The following RAI14 variants were observed in gnomAD, a reference collection of about 807,000 sequenced individuals.
RAI14 encodes retinoic acid induced 14.
RAI14 carries 45 observed loss-of-function variants against 115.4 expected under a neutral mutation model. That is an observed-to-expected ratio of 0.39 (90% confidence interval 0.31 to 0.50). The LOEUF is 0.50. Ranked by LOEUF, RAI14 falls within the 20% of genes least tolerant of loss-of-function variation. The pLI is 0.85. For missense variants in RAI14, 939 were observed against 1,131.2 expected, an observed-to-expected ratio of 0.83 and a Z score of 2.44; for synonymous variants, 371 against 415.4, an observed-to-expected ratio of 0.89 and a Z score of 1.30.
At chr5:34,814,699 C>CTGTATTGTATCA (rs762254551) in intron 12 of RAI14, 30 bp downstream of exon 12, 202 of 1,517,316 alleles carry the variant, frequency 1.3e-4, no homozygotes, top group African/African-American at 1.3e-3. Flanking sequence ...AGTTTTGTTA[C>CTGTATTGTATCA]TGTATTTTAA....
chr5:34,687,429 G>A (rs1192999131), intron 2 of RAI14: 9 of 603,120 alleles, frequency 1.5e-5, no homozygotes, highest in African/African-American at 5.7e-5. Context: ...ACTGCTGCCC[G>A]TACCTTTCCT....
intron 3 of RAI14, among the ~76,000 whole-genome samples, chr5:34,761,358 G>GGTTTT (rs961997194): frequency 2.4e-4 from 36 of 151,962 alleles, no homozygotes; most frequent in Middle Eastern, 3.4e-3. Context: ...AGCTAATTTT[G>GGTTTT]GTTTTGTTTT....
At chr5:34,753,150 G>A (rs1236096954) in intron 2 of RAI14, among the ~76,000 whole-genome samples, 2 of 152,094 alleles carry the variant, frequency 1.3e-5, no homozygotes, top group Non-Finnish European at 2.9e-5. Context: ...GTCCTATGGA[G>A]GGCATGCTAG....
intron 2 of RAI14, among the ~76,000 whole-genome samples, chr5:34,702,878 A>G (rs1201234967): frequency 1.3e-5 from 2 of 152,082 alleles, no homozygotes; most frequent in African/African-American, 2.4e-5. Context: ...GGCTAATTCT[A>G]TATTTTCAGT....
At chr5:34,769,076 A>G (rs1749808962) in intron 3 of RAI14, among the ~76,000 whole-genome samples, 1 of 152,006 alleles carries the variant, frequency 6.6e-6, no homozygotes, top group South Asian at 2.1e-4. Context: ...GTTCCTCAGA[A>G]GTAGTACTGC....
intron 2 of RAI14, among the ~76,000 whole-genome samples, chr5:34,692,313 C>A (rs566590260): frequency 4.0e-5 from 6 of 151,592 alleles, no homozygotes; most frequent in African/African-American, 7.3e-5. Context: ...GGATCAACAA[C>A]CAACTCTACC....
intron 4 of RAI14, among the ~76,000 whole-genome samples, chr5:34,801,227 G>A (rs1052050805): frequency 3.3e-5 from 5 of 152,118 alleles, no homozygotes; most frequent in African/African-American, 9.7e-5. Context: ...CTGTCTCTCA[G>A]TATCCTATGC....
At chr5:34,810,040 T>C (rs578176605) in intron 7 of RAI14, among the ~76,000 whole-genome samples, 4 of 152,334 alleles carry the variant, frequency 2.6e-5, no homozygotes, top group Non-Finnish European at 5.9e-5. Context: ...TTCCTTGAAG[T>C]TCAGTACTTC....
At chr5:34,660,300 C>T (rs889576291) in intron 1 of RAI14, among the ~76,000 whole-genome samples, 7 of 150,866 alleles carry the variant, frequency 4.6e-5, no homozygotes, top group African/African-American at 1.2e-4. Context: ...GGCGTGGTGG[C>T]GCATGCCTGT....
At chr5:34,802,315 G>A (rs866784095) in intron 4 of RAI14, among the ~76,000 whole-genome samples, 7 of 152,278 alleles carry the variant, frequency 4.6e-5, no homozygotes, top group South Asian at 2.1e-4. Context: ...GCCCGATCTC[G>A]TCTGATCTCG....
At chr5:34,755,599 C>T (rs928461783) in intron 2 of RAI14, among the ~76,000 whole-genome samples, 12 of 152,156 alleles carry the variant, frequency 7.9e-5, no homozygotes, top group African/African-American at 2.7e-4. Flanking sequence ...TTCAGCAGCA[C>T]ACCTGGTCTC....
At chr5:34,688,127 G>C in intron 2 of RAI14, 1 of 1,520,446 alleles carries the variant, frequency 6.6e-7, no homozygotes, top group Non-Finnish European at 8.8e-7. Flanking sequence ...AAAACTAGCT[G>C]TTGGCCAGAG....
intron 1 of RAI14, among the ~76,000 whole-genome samples, chr5:34,662,208 G>A (rs1390042928): frequency 9.9e-5 from 15 of 152,178 alleles, no homozygotes; most frequent in Admixed American, 9.8e-4. Flanking sequence ...GAGGAGGGAT[G>A]TATTTTTCAT....
chr5:34,721,287 A>G (rs1450413169), intron 2 of RAI14, among the ~76,000 whole-genome samples: 1 of 74,178 alleles, frequency 1.3e-5, no homozygotes, highest in Non-Finnish European at 2.5e-5. Flanking sequence ...GTAGATGTAG[A>G]TGTGTATATA....
chr5:34,684,679 C>T (rs536721836), intron 1 of RAI14: 1 of 152,322 alleles, frequency 6.6e-6, no homozygotes, highest in African/African-American at 2.4e-5. Flanking sequence ...AAAGTAGACA[C>T]ATTGGAAGCT....
intron 3 of RAI14, among the ~76,000 whole-genome samples, chr5:34,788,012 G>A (rs1230213434): frequency 7.1e-6 from 1 of 141,728 alleles, no homozygotes; most frequent in African/African-American, 2.6e-5. Flanking sequence ...TACCTTCCAG[G>A]CTCATGCTAT....
rs770148151 is a variant in RAI14, at chr5:34,686,888, T to C, written c.-32T>C. The C allele has an allele frequency of 3.7e-6, 6 of 1,612,602 alleles. No individual in the cohort carries two copies. The highest frequency in any genetic ancestry group is 5.1e-6 in the Non-Finnish European group (6 of 1,179,162). ...TCTGCTTAGGTGTTGAAAAGTCTCC[T>C]CTAGAGCTTTGGAAGGCTGAATGCA... On this transcript the variant is annotated 5_prime_UTR_variant, in exon 2 of 18. Coordinates refer to ENST00000265109, the MANE Select transcript of RAI14 (RefSeq NM_015577.3).
chr5:34,713,475 T>C (rs1168810167), intron 2 of RAI14, among the ~76,000 whole-genome samples: 1 of 152,240 alleles, frequency 6.6e-6, no homozygotes, highest in Middle Eastern at 3.4e-3. Flanking sequence ...TACTTTCTAA[T>C]ACTGGAGTTA....
intron 4 of RAI14, among the ~76,000 whole-genome samples, chr5:34,801,612 G>T (rs552607727): frequency 6.6e-6 from 1 of 152,214 alleles, no homozygotes; most frequent in East Asian, 1.9e-4. Flanking sequence ...CTGGTGGCAC[G>T]CACCTGTAAT....
Sources: gnomAD v4.1 joint callset for allele counts (sites outside exome capture counted in the v4.1 genomes callset) on GRCh38, gnomAD v4.1.1 for gene constraint, MANE v1.5 for transcripts, NCBI Gene and HGNC (gene_info 2026-07-23, HGNC 2026-07-21) for gene names.